IL1RAPL1: variants seen among roughly 807,000 people sequenced by gnomAD.
IL1RAPL1 encodes the protein interleukin-1 receptor accessory protein-like 1.
In IL1RAPL1, 3 loss-of-function variants were observed where a neutral mutation model predicts 48.4. The observed-to-expected ratio is 0.06, with a 90% CI of 0.03 to 0.16. IL1RAPL1 has a LOEUF of 0.16. Ranked by LOEUF, IL1RAPL1 falls within the 10% of genes least tolerant of loss-of-function variation. IL1RAPL1 has a pLI of 1.00. For missense variants in IL1RAPL1, 349 were observed against 530.6 expected, an observed-to-expected ratio of 0.66 and a Z score of 3.36; for synonymous variants, 185 against 187.7, an observed-to-expected ratio of 0.99 and a Z score of 0.12.
intron 2 of IL1RAPL1, among the ~76,000 whole-genome samples, chrX:29,064,345 C>A: frequency 9.0e-6 from 1 of 111,333 alleles, no homozygotes. Flanking sequence ...TATGATTATG[C>A]TGAAAGGGCC....
chrX:29,389,004 G>A (rs940828620), intron 3 of IL1RAPL1, among the ~76,000 whole-genome samples: 3 of 111,840 alleles, frequency 2.7e-5, no homozygotes, highest in African/African-American at 9.8e-5. Context: ...TACATATTAT[G>A]AGAAGCATAC....
chrX:28,596,402 C>G (rs1439384524), intron 1 of IL1RAPL1, among the ~76,000 whole-genome samples: 2 of 108,426 alleles, frequency 1.8e-5, no homozygotes, highest in African/African-American at 6.7e-5. Context: ...CCCTTCCTTC[C>G]ACCTCTATCA....
intron 1 of IL1RAPL1, among the ~76,000 whole-genome samples, chrX:28,746,752 C>T (rs1935983256): frequency 1.8e-5 from 2 of 111,627 alleles, no homozygotes; most frequent in Non-Finnish European, 3.8e-5. Context: ...CATTTATTCA[C>T]AATGATGAAT....
chrX:29,724,223 C>T (rs755178826), intron 6 of IL1RAPL1, among the ~76,000 whole-genome samples: 1 of 111,518 alleles, frequency 9.0e-6, no homozygotes, highest in South Asian at 3.8e-4. Context: ...CGGTCTGCTC[C>T]CAGATCCTCC....
At chrX:28,752,537 TTG>T (rs1936056275) in intron 1 of IL1RAPL1, among the ~76,000 whole-genome samples, 1 of 112,618 alleles carries the variant, frequency 8.9e-6, no homozygotes, top group East Asian at 2.8e-4. Context: ...TCACTACTGC[TTG>T]TGTTATCAAA....
intron 6 of IL1RAPL1, among the ~76,000 whole-genome samples, chrX:29,745,003 A>G (rs763339909): frequency 8.9e-6 from 1 of 112,283 alleles, no homozygotes; most frequent in Admixed American, 9.5e-5. Context: ...ATGGGATGTC[A>G]TTCTAGTTCT....
Position 29,795,797 on chromosome X carries a change from T to G in IL1RAPL1, c.779-121667T>G, listed in dbSNP as rs186636129. On this transcript the variant is annotated intron_variant, in intron 6 of 10. Transcript: ENST00000378993. ...TTGTTGAAGAAGACCAAGTCTGAAC[T>G]CAAACTGGGTTCTTAGAAAGCTTTG... 8.9e-5 allele frequency among the ~76,000 whole-genome samples: 10 copies of G among 112,866 alleles called. No individual in the cohort carries two copies. In the East Asian group the frequency reaches 1.7e-3, roughly 19 times the overall value.
At chrX:28,718,930 G>A (rs146084161) in intron 1 of IL1RAPL1, among the ~76,000 whole-genome samples, 1,465 of 111,290 alleles carry the variant, frequency 0.013, 27 homozygotes, top group African/African-American at 0.046. Context: ...CTGCATTCAG[G>A]AAGTTTCTTG....
intron 2 of IL1RAPL1, among the ~76,000 whole-genome samples, chrX:29,078,201 G>A (rs1927723851): frequency 8.9e-6 from 1 of 112,033 alleles, no homozygotes; most frequent in South Asian, 3.7e-4. Context: ...GAACCTGGGA[G>A]GTGGAGGTTG....
chrX:29,188,845 T>A (rs1930302712), intron 2 of IL1RAPL1, among the ~76,000 whole-genome samples: 1 of 111,222 alleles, frequency 9.0e-6, no homozygotes. Context: ...TCGGCCTCAA[T>A]GTGCTGGGAT....
intron 2 of IL1RAPL1, among the ~76,000 whole-genome samples, chrX:29,240,193 C>CATATATATATATATATAT (rs1931381463): frequency 2.7e-5 from 1 of 36,638 alleles, no homozygotes; most frequent in Admixed American, 3.6e-4. Context: ...TACACACACA[C>CATATATATATATATATAT]ACATATATAT....
intron 3 of IL1RAPL1, among the ~76,000 whole-genome samples, chrX:29,311,826 A>G (rs890777927): frequency 2.7e-5 from 3 of 111,944 alleles, no homozygotes; most frequent in Non-Finnish European, 3.8e-5. Context: ...CAAAAATTTT[A>G]TATTATTAAT....
chrX:29,859,927 A>T (rs1931544803), intron 6 of IL1RAPL1, among the ~76,000 whole-genome samples: 1 of 112,265 alleles, frequency 8.9e-6, no homozygotes, highest in African/African-American at 3.2e-5. Context: ...CTTTCTTATA[A>T]ATGAGCATAA....
At chrX:29,222,789 T>C (rs1931007469) in intron 2 of IL1RAPL1, among the ~76,000 whole-genome samples, 1 of 111,476 alleles carries the variant, frequency 9.0e-6, no homozygotes, top group Admixed American at 9.6e-5. Context: ...TCTTATAATA[T>C]TTGGTCATCA....
At chrX:29,365,797 G>A (rs1275695897) in intron 3 of IL1RAPL1, among the ~76,000 whole-genome samples, 1 of 110,783 alleles carries the variant, frequency 9.0e-6, no homozygotes, top group Non-Finnish European at 1.9e-5. Flanking sequence ...CCGGCACTTT[G>A]GGAGGCCGAG....
intron 8 of IL1RAPL1, among the ~76,000 whole-genome samples, chrX:29,925,443 T>G (rs1932881120): frequency 4.1e-5 from 1 of 24,446 alleles, no homozygotes; most frequent in South Asian, 5.0e-3. Flanking sequence ...TTTTTTTTTT[T>G]TTGCTGGGGG....
intron 5 of IL1RAPL1, among the ~76,000 whole-genome samples, chrX:29,588,687 C>T (rs1387440243): frequency 8.9e-6 from 1 of 111,829 alleles, no homozygotes; most frequent in Non-Finnish European, 1.9e-5. Context: ...TATTAGGAGG[C>T]AACAAAGATA....
At chrX:29,209,784 T>A (rs1000571430) in intron 2 of IL1RAPL1, among the ~76,000 whole-genome samples, 6 of 112,167 alleles carry the variant, frequency 5.3e-5, no homozygotes, top group African/African-American at 1.9e-4. Flanking sequence ...TGTCAAAGGG[T>A]ATGTATATAC....
At chrX:29,398,564 T>C (rs1411315604) in intron 4 of IL1RAPL1, among the ~76,000 whole-genome samples, 1 of 112,121 alleles carries the variant, frequency 8.9e-6, no homozygotes, top group Non-Finnish European at 1.9e-5. Flanking sequence ...TAAATGTTGA[T>C]TGTTTCATGG....
Sources: allele counts gnomAD v4.1 joint callset (sites outside exome capture counted in the v4.1 genomes callset), GRCh38; gene constraint gnomAD v4.1.1; transcripts MANE v1.5; gene names NCBI Gene and HGNC (gene_info 2026-07-23, HGNC 2026-07-21).